The following SMURF1 variants were observed in gnomAD, a reference collection of about 807,000 sequenced individuals.
SMURF1 encodes SMAD specific E3 ubiquitin protein ligase 1.
SMURF1 carries 44 observed loss-of-function variants against 98.0 expected under a neutral mutation model. That is an observed-to-expected ratio of 0.45 (90% CI 0.35 to 0.58). SMURF1 has a LOEUF of 0.58. SMURF1 is among the 20% of genes least tolerant of loss of function. SMURF1 has a pLI of 0.00. For missense variants in SMURF1, 687 were observed against 938.4 expected (o/e 0.73, Z 3.50); for synonymous variants, 396 against 374.9 (o/e 1.06, Z -0.65).
chr7:99,037,112 G>A lies in SMURF1; in HGVS notation c.1764C>T (p.Leu588=), dbSNP rs770235406. ...FLALQKGFNE[L]IPQHLLKPFD... The stretch of plus-strand genomic sequence containing the variant: ...AAGGCTTCAGCAGATGTTGAGGGAT[G>A]AGCTCATTGAACCCCTTCTGCAGAG... Residue 588 remains leucine (L), a synonymous_variant, in exon 15 of 18, where the codon CTC becomes CTT. Coordinates refer to ENST00000361368, the MANE Select transcript of SMURF1 (RefSeq NM_181349.3). 4 of 1,614,046 alleles carry A rather than the reference G, an allele frequency of 2.5e-6. No individual in the cohort carries two copies. The highest frequency in any genetic ancestry group is 2.2e-5 in the East Asian group (1 of 44,896).
chr7:99,087,190 C>CA (rs1796701323), intron 1 of SMURF1, among the ~76,000 whole-genome samples: 1 of 151,458 alleles, frequency 6.6e-6, no homozygotes, highest in Admixed American at 6.6e-5. Flanking sequence ...GGCAACATAG[C>CA]AAGACCCCAT....
intron 1 of SMURF1, among the ~76,000 whole-genome samples, chr7:99,131,950 G>C (rs1797880330): frequency 6.6e-6 from 1 of 152,154 alleles, no homozygotes; most frequent in South Asian, 2.1e-4. Flanking sequence ...CAAAGCTTGG[G>C]CAAGGGGCAA....
chr7:99,087,394 A>G (rs1364774845), intron 1 of SMURF1, among the ~76,000 whole-genome samples: 1 of 151,932 alleles, frequency 6.6e-6, no homozygotes, highest in Admixed American at 6.6e-5. Context: ...TAAAACAAAC[A>G]AAAAAAATTA....
chr7:99,096,752 G>A (rs62472980), intron 1 of SMURF1, among the ~76,000 whole-genome samples: 10,268 of 152,218 alleles, frequency 0.067, 456 homozygotes, highest in Non-Finnish European at 0.098. Context: ...AGAGCTAGTA[G>A]ACAGAGTCAG....
chr7:99,063,267 ATATATATATAT>A (rs1796099357), intron 1 of SMURF1, among the ~76,000 whole-genome samples: 2 of 9,080 alleles, frequency 2.2e-4, no homozygotes, highest in Non-Finnish European at 6.2e-4. Context: ...ATATATATAT[ATATATATATAT>A]ATATATATAT....
At position 99,063,328 on chromosome 7, in the gene SMURF1, G is replaced by A. The variant is rs1256983588; in HGVS notation, c.56-1491C>T. On this transcript the variant is annotated intron_variant, in intron 1 of 17. Coordinates refer to ENST00000361368, the MANE Select transcript of SMURF1 (RefSeq NM_181349.3). ...ATAAAAAGAGACAGGGTCTCACTCCGTCACCCCAGGCTGGAGTACAGTGGC... is the reference window on the plus strand; with the variant it reads ...ATAAAAAGAGACAGGGTCTCACTCCATCACCCCAGGCTGGAGTACAGTGGC... Among the ~76,000 whole-genome samples, 8 of 126,370 alleles carry A rather than the reference G, an allele frequency of 6.3e-5. 1 individual carries two copies. The highest frequency in any genetic ancestry group is 2.5e-4 in the Admixed American group (3 of 11,840). 82.9% of individuals were successfully genotyped at this position (126,370 alleles called of 152,430 possible).
chr7:99,121,353 C>T (rs1193922440), intron 1 of SMURF1: 3 of 151,938 alleles, frequency 2.0e-5, no homozygotes, highest in South Asian at 2.1e-4. Context: ...GCTAATCTTA[C>T]CCAATGTTCC....
chr7:99,105,663 T>G (rs1185861756), intron 1 of SMURF1, among the ~76,000 whole-genome samples: 1 of 152,208 alleles, frequency 6.6e-6, no homozygotes, highest in African/African-American at 2.4e-5. Flanking sequence ...AAATCTATGT[T>G]CTTTACCACC....
intron 1 of SMURF1, among the ~76,000 whole-genome samples, chr7:99,126,434 G>A (rs1797747254): frequency 6.6e-6 from 1 of 151,596 alleles, no homozygotes; most frequent in Admixed American, 6.6e-5. Flanking sequence ...GAGGCAGGCG[G>A]ATCACGAGGT....
rs1795242468 is a variant in SMURF1 at position 99,038,475 on chromosome 7, T to C, written c.1601A>G (p.Asn534Ser). The change falls in exon 14 of 18, where the codon AAC (asparagine) becomes AGC (serine). Residue 534 changes from asparagine (N) to serine (S), a missense_variant. By Grantham distance (46) the Asn-to-Ser change is conservative. This residue lies in a region of SMURF1 where 272 missense variants were observed against 430.0 expected (regional missense o/e 0.63). Coordinates refer to ENST00000361368, the MANE Select transcript of SMURF1 (RefSeq NM_181349.3). ...VLDHTFCVEHNAFGRILQHEL... is the reference protein window; with the variant it reads ...VLDHTFCVEHSAFGRILQHEL... The stretch of plus-strand genomic sequence containing the variant: ...ATGCTGCAGGATCCGCCCGAAGGCG[T>C]TGTGTTCCACGCAGAAGGTGTGGTC... 6.2e-7 allele frequency: 1 copy of C among 1,614,080 alleles called. No individual in the cohort carries two copies. The highest frequency in any genetic ancestry group is 1.7e-5 in the Admixed American group (1 of 60,008).
intron 1 of SMURF1, among the ~76,000 whole-genome samples, chr7:99,084,076 A>T (rs79843868): frequency 0.069 from 10,564 of 152,256 alleles, 530 homozygotes; most frequent in Middle Eastern, 0.12. Flanking sequence ...CTTGTCCAAG[A>T]CTGCACACAT....
intron 16 of SMURF1, among the ~76,000 whole-genome samples, chr7:99,034,960 C>T (rs1055015625): frequency 1.3e-5 from 2 of 152,240 alleles, no homozygotes; most frequent in African/African-American, 2.4e-5. Context: ...CTTCCAGCAA[C>T]GTACCCTCCA....
At chr7:99,054,360 G>A (rs1293667940) in intron 6 of SMURF1, among the ~76,000 whole-genome samples, 1 of 152,098 alleles carries the variant, frequency 6.6e-6, no homozygotes, top group Non-Finnish European at 1.5e-5. Flanking sequence ...AGGCTGGAGT[G>A]CAGTGGCATG....
intron 12 of SMURF1, among the ~76,000 whole-genome samples, chr7:99,040,757 G>A (rs1393980488): frequency 3.3e-5 from 5 of 152,332 alleles, no homozygotes; most frequent in East Asian, 3.9e-4. Flanking sequence ...GCTGGACAGC[G>A]TTTTGTATGC....
rs1794831404 is a variant in SMURF1 at position 99,030,393 on chromosome 7, G to C, written c.*191C>G. The stretch of plus-strand genomic sequence containing the variant: ...TGGGTGGGAGTACTATGGTAAAGGA[G>C]GGATATATGGGTGGGAGCCACCAAC... On this transcript the variant is annotated 3_prime_UTR_variant, in exon 18 of 18. Coordinates refer to ENST00000361368, the MANE Select transcript of SMURF1 (RefSeq NM_181349.3). 1.2e-5 allele frequency: 7 copies of C among 586,766 alleles called. No homozygotes were observed. The Admixed American group carries it at 2.1e-4, about 18-fold the overall frequency. The allele number at this position is 586,766 out of a possible 1,614,324, so 36.3% of individuals were successfully genotyped here.
rs190204876 is a variant in SMURF1 at position 99,117,021 on chromosome 7, G to C, written c.55+26705C>G. Among the ~76,000 whole-genome samples, 14 of 152,128 alleles carry C rather than the reference G, an allele frequency of 9.2e-5. No homozygotes were observed. In the South Asian group the frequency reaches 1.2e-3, roughly 14 times the overall value. On this transcript the variant is annotated intron_variant, in intron 1 of 17. Transcript: ENST00000361368. The stretch of plus-strand genomic sequence containing the variant: ...CATTATAGATCAACAGGATACAATT[G>C]AGAGTCCAGAAATAAAGCCATATAT...
chr7:99,081,599 T>C (rs918769287), intron 1 of SMURF1, among the ~76,000 whole-genome samples: 1 of 152,192 alleles, frequency 6.6e-6, no homozygotes, highest in Non-Finnish European at 1.5e-5. Flanking sequence ...CCAACAGCAA[T>C]ACATAAAAGT....
Position 99,144,005 on chromosome 7 carries a change from C to T in SMURF1, c.-225G>A, listed in dbSNP as rs1410732031. 2 of 348,764 alleles carry T rather than the reference C, an allele frequency of 5.7e-6. No individual in the cohort carries two copies. Among genetic ancestry groups the T allele is most frequent in the Non-Finnish European group, 1.0e-5 (2 of 197,882 alleles). The allele number at this position is 348,764 out of a possible 1,614,324, so 21.6% of individuals were successfully genotyped here. ...CTGACCCTCGCTGCTTCCAGCCGAG[C>T]CCAGTCCCGAGCCGCCGCCGCCTCC... On this transcript the variant is annotated 5_prime_UTR_variant, in exon 1 of 18. Transcript: ENST00000361368.
intron 1 of SMURF1, among the ~76,000 whole-genome samples, chr7:99,085,613 CAG>C (rs1796662882): frequency 6.6e-6 from 1 of 152,152 alleles, no homozygotes; most frequent in Non-Finnish European, 1.5e-5. Flanking sequence ...CATTATCATA[CAG>C]AGTCTATAGT....
Sources: gnomAD v4.1 joint callset for allele counts (sites outside exome capture counted in the v4.1 genomes callset) on GRCh38, gnomAD v4.1.1 for gene constraint, gnomAD v4.1.1 regional missense constraint, MANE v1.5 for transcripts, NCBI Gene and HGNC (gene_info 2026-07-23, HGNC 2026-07-21) for gene names.